Variants in MBD2 observed in about 807,000 individuals in gnomAD.
MBD2 encodes the protein methyl-CpG-binding domain protein 2.
A neutral mutation model predicts 39.3 loss-of-function variants in MBD2; 9 were observed. The observed-to-expected ratio is 0.23, with a 90% CI of 0.14 to 0.40. The LOEUF (loss-of-function observed/expected upper bound fraction) is 0.40, where lower values mean the gene tolerates loss of function less well. Ranked by LOEUF, MBD2 falls within the 10% of genes least tolerant of loss-of-function variation. The probability of loss-of-function intolerance (pLI) is 1.00; values close to 1 mark genes in which losing one functional copy is unlikely to be tolerated. For missense variants in MBD2, 458 were observed against 532.6 expected (o/e 0.86, Z 1.38); for synonymous variants, 233 against 211.1 (o/e 1.10, Z -0.90).
intron 1 of MBD2, among the ~76,000 whole-genome samples, chr18:54,221,316 G>A (rs2086609643): frequency 6.6e-6 from 1 of 151,894 alleles, no homozygotes; most frequent in Non-Finnish European, 1.5e-5. Context: ...AAATTAGCTG[G>A]GCGTGGTGGT....
At chr18:54,200,713 T>C (rs537333118) in intron 2 of MBD2, among the ~76,000 whole-genome samples, 1 of 152,288 alleles carries the variant, frequency 6.6e-6, no homozygotes, top group South Asian at 2.1e-4. Context: ...TATTTGCATA[T>C]TGAGAGGCAA....
At chr18:54,212,747 T>A (rs2086519048) in intron 1 of MBD2, among the ~76,000 whole-genome samples, 1 of 151,760 alleles carries the variant, frequency 6.6e-6, no homozygotes, top group South Asian at 2.1e-4. Context: ...AAGAATTTGC[T>A]GGTTGGGCAA....
intron 3 of MBD2, among the ~76,000 whole-genome samples, chr18:54,175,394 C>T (rs1490377900): frequency 6.6e-6 from 1 of 152,216 alleles, no homozygotes; most frequent in South Asian, 2.1e-4. Flanking sequence ...AGATCTCCTC[C>T]TATTTTAGAG....
At chr18:54,156,504 C>A (rs753517308) in intron 6 of MBD2, among the ~76,000 whole-genome samples, 89 of 152,158 alleles carry the variant, frequency 5.8e-4, no homozygotes, top group Non-Finnish European at 8.5e-4. Flanking sequence ...CACAGCCTCG[C>A]TCACATAAAC....
chr18:54,164,745 G>A (rs2086119162), intron 4 of MBD2, 45 bp from the exon 5 acceptor site: 2 of 1,516,712 alleles, frequency 1.3e-6, no homozygotes, highest in Non-Finnish European at 1.8e-6. Flanking sequence ...GTCTCAATGT[G>A]CTGAGCAAAC....
At chr18:54,166,766 T>C (rs1006078614) in intron 3 of MBD2, among the ~76,000 whole-genome samples, 2 of 152,248 alleles carry the variant, frequency 1.3e-5, no homozygotes, top group African/African-American at 2.4e-5. Flanking sequence ...TGGGTCACCA[T>C]GGTCACTTAG....
intron 4 of MBD2, 23 bp downstream of exon 4, chr18:54,166,053 G>A: frequency 6.6e-7 from 1 of 1,512,552 alleles, no homozygotes; most frequent in Non-Finnish European, 9.2e-7. Context: ...ATAAATGTCT[G>A]CTCAACTGAA....
intron 2 of MBD2, among the ~76,000 whole-genome samples, chr18:54,204,715 G>A (rs2086435880): frequency 1.3e-5 from 2 of 151,972 alleles, no homozygotes; most frequent in South Asian, 4.1e-4. Context: ...TATTTTGAGG[G>A]GAAAAAGAAA....
At chr18:54,162,465 C>A (rs553694401) in intron 5 of MBD2, among the ~76,000 whole-genome samples, 8 of 152,274 alleles carry the variant, frequency 5.3e-5, no homozygotes, top group Admixed American at 1.3e-4. Flanking sequence ...TTCCTAATTT[C>A]CGTCATGACA....
chr18:54,190,867 TC>T (rs2086315744), intron 2 of MBD2, among the ~76,000 whole-genome samples: 1 of 152,076 alleles, frequency 6.6e-6, no homozygotes, highest in Admixed American at 6.6e-5. Flanking sequence ...AATCAATCAA[TC>T]AATAAAATCT....
At chr18:54,163,776 AG>A (rs1375380762) in intron 5 of MBD2, among the ~76,000 whole-genome samples, 1 of 152,006 alleles carries the variant, frequency 6.6e-6, no homozygotes. Flanking sequence ...CCGTGTCACA[AG>A]TAAGTTTAAG....
intron 2 of MBD2, among the ~76,000 whole-genome samples, chr18:54,203,644 C>G (rs2086425859): frequency 6.6e-6 from 1 of 152,186 alleles, no homozygotes; most frequent in Non-Finnish European, 1.5e-5. Flanking sequence ...TATCAATTAT[C>G]AGGAATTATA....
intron 1 of MBD2, among the ~76,000 whole-genome samples, chr18:54,212,031 T>C (rs2086512502): frequency 6.6e-6 from 1 of 152,122 alleles, no homozygotes; most frequent in Non-Finnish European, 1.5e-5. Context: ...AATTTTTTTC[T>C]ATTTTTAGTA....
intron 3 of MBD2, among the ~76,000 whole-genome samples, chr18:54,166,744 C>A (rs1296712351): frequency 6.6e-6 from 1 of 152,180 alleles, no homozygotes; most frequent in Admixed American, 6.5e-5. Flanking sequence ...TCTTTCCCTG[C>A]TGCACAGGGC....
chr18:54,164,419 G>C (rs952896018), intron 5 of MBD2, 104 bp downstream of exon 5: 10 of 956,574 alleles, frequency 1.0e-5, no homozygotes, highest in African/African-American at 9.9e-5. Context: ...TAACTTTCTA[G>C]GTGATATATC....
chr18:54,196,342 A>G (rs2086366838), intron 2 of MBD2, among the ~76,000 whole-genome samples: 1 of 152,192 alleles, frequency 6.6e-6, no homozygotes, highest in South Asian at 2.1e-4. Context: ...AAGAATGATT[A>G]CAATTCATCA....
Position 54,167,553 on chromosome 18 carries a change from T to C in MBD2, c.841-1387A>G, listed in dbSNP as rs113509130. On this transcript the variant is annotated intron_variant, in intron 3 of 6. Transcript: ENST00000256429. ...CAAACTGTGGCCACTCTGAGGGCTT[T>C]TGGGGCTTACATTCCGACTTCTGGA... Among the ~76,000 whole-genome samples, 645 of 152,350 alleles carry C rather than the reference T, an allele frequency of 4.2e-3. 6 individuals carry two copies. The highest frequency in any genetic ancestry group is 0.013 in the South Asian group (65 of 4,828).
chr18:54,158,685 A>T (rs984426265), intron 6 of MBD2, among the ~76,000 whole-genome samples: 4 of 152,126 alleles, frequency 2.6e-5, no homozygotes. Flanking sequence ...GTAGTGGCAC[A>T]ATCTCGGCTC....
chr18:54,188,935 G>A lies in MBD2; in HGVS notation c.779C>T (p.Thr260Ile). The A allele has an allele frequency of 6.2e-7, 1 of 1,610,298 alleles. No individual in the cohort carries two copies. The highest frequency in any genetic ancestry group is 8.5e-7 in the Non-Finnish European group (1 of 1,177,604). ...SIFKQPVTKV[T>I]NHPSNKVKSD... is the part of the protein sequence containing the mutation. ...TTTCACTTTATTACTAGGATGATTT[G>A]TGACTTTGGTTACCGGTTGTTTGAA... The change falls in exon 3 of 7, where the codon ACA (threonine) becomes ATA (isoleucine). Residue 260 changes from threonine to isoleucine, a missense_variant. By Grantham distance (89) the Thr-to-Ile change is moderately conservative. This residue lies in a region of MBD2 where 189 missense variants were observed against 296.6 expected (regional missense o/e 0.64). Coordinates refer to ENST00000256429, the MANE Select transcript of MBD2 (RefSeq NM_003927.5).
Sources: gnomAD v4.1 joint callset for allele counts (sites outside exome capture counted in the v4.1 genomes callset) on GRCh38, gnomAD v4.1.1 for gene constraint, gnomAD v4.1.1 regional missense constraint, MANE v1.5 for transcripts, NCBI Gene and HGNC (gene_info 2026-07-23, HGNC 2026-07-21) for gene names.